Variants in ABTB3 observed in about 807,000 individuals in gnomAD.
ABTB3 encodes the protein ankyrin repeat- and BTB/POZ domain-containing protein 3.
chr12:107,403,152 A>G, the ABTB3 span, among the ~76,000 whole-genome samples: 1 of 152,156 alleles, frequency 6.6e-6, no homozygotes, highest in Non-Finnish European at 1.5e-5. Context: ...GAGATCACGT[A>G]TATCAGTGAA....
At chr12:107,561,937 G>A in the ABTB3 span, among the ~76,000 whole-genome samples, 280 of 152,234 alleles carry the variant, frequency 1.8e-3, no homozygotes, top group Non-Finnish European at 3.1e-3. Context: ...CCCTTCAACT[G>A]TGGCTGATTT....
the ABTB3 span, among the ~76,000 whole-genome samples, chr12:107,342,707 C>A: frequency 6.6e-6 from 1 of 152,134 alleles, no homozygotes; most frequent in Non-Finnish European, 1.5e-5. Flanking sequence ...TCTCCATGAA[C>A]CCTGTCATTC....
At chr12:107,422,270 G>A in the ABTB3 span, among the ~76,000 whole-genome samples, 90 of 152,276 alleles carry the variant, frequency 5.9e-4, no homozygotes, top group African/African-American at 2.1e-3. Flanking sequence ...CTGAGTGAGC[G>A]AGGACAAGAG....
At chr12:107,587,000 A>G in the ABTB3 span, among the ~76,000 whole-genome samples, 1 of 152,282 alleles carries the variant, frequency 6.6e-6, no homozygotes, top group Admixed American at 6.5e-5. Context: ...GCATTAGAGA[A>G]ATAAGTCCAC....
chr12:107,487,436 C>T, the ABTB3 span, among the ~76,000 whole-genome samples: 1 of 152,128 alleles, frequency 6.6e-6, no homozygotes, highest in African/African-American at 2.4e-5. Flanking sequence ...CTGCTGGGCT[C>T]TCACTAGGAA....
chr12:107,437,742 A>C, the ABTB3 span, among the ~76,000 whole-genome samples: 3,486 of 152,220 alleles, frequency 0.023, 139 homozygotes, highest in African/African-American at 0.078. Flanking sequence ...TACAAAGATA[A>C]TTGCCATTGG....
the ABTB3 span, among the ~76,000 whole-genome samples, chr12:107,571,753 C>T: frequency 6.6e-6 from 1 of 152,226 alleles, no homozygotes; most frequent in South Asian, 2.1e-4. Flanking sequence ...AGGTTCCTGC[C>T]ACAGAGGCCT....
chr12:107,395,260 G>C, the ABTB3 span, among the ~76,000 whole-genome samples: 25 of 152,056 alleles, frequency 1.6e-4, no homozygotes, highest in Admixed American at 2.6e-4. Context: ...ATTGTCAAAG[G>C]GTCTAGGCTA....
At chr12:107,541,928 A>G in the ABTB3 span, among the ~76,000 whole-genome samples, 1 of 151,876 alleles carries the variant, frequency 6.6e-6, no homozygotes, top group Non-Finnish European at 1.5e-5. Flanking sequence ...TTGGAAAGAA[A>G]AAAAAAAAAC....
At chr12:107,613,605 T>C in the ABTB3 span, among the ~76,000 whole-genome samples, 13 of 152,324 alleles carry the variant, frequency 8.5e-5, no homozygotes, top group South Asian at 1.5e-3. Context: ...CCATCTCATA[T>C]AGTTGTCAGA....
the ABTB3 span, among the ~76,000 whole-genome samples, chr12:107,400,742 C>A: frequency 1.3e-5 from 2 of 152,026 alleles, no homozygotes; most frequent in Non-Finnish European, 2.9e-5. Flanking sequence ...GACTTACACC[C>A]CCCCGCAAGA....
chr12:107,503,861 G>T, the ABTB3 span, among the ~76,000 whole-genome samples: 1 of 152,028 alleles, frequency 6.6e-6, no homozygotes, highest in Non-Finnish European at 1.5e-5. Context: ...GTCCAAAAAG[G>T]CTTCTTGGGG....
At chr12:107,534,622 C>T in the ABTB3 span, among the ~76,000 whole-genome samples, 61 of 152,120 alleles carry the variant, frequency 4.0e-4, no homozygotes, top group East Asian at 1.7e-3. Context: ...ACAACTGATA[C>T]GACAGAAATA....
At chr12:107,531,849 G>A in the ABTB3 span, among the ~76,000 whole-genome samples, 1 of 152,058 alleles carries the variant, frequency 6.6e-6, no homozygotes, top group Non-Finnish European at 1.5e-5. Flanking sequence ...ACACCCTTGG[G>A]ACTCAGCTAA....
the ABTB3 span, among the ~76,000 whole-genome samples, chr12:107,646,680 G>A: frequency 6.6e-6 from 1 of 152,208 alleles, no homozygotes; most frequent in African/African-American, 2.4e-5. Context: ...GACAGGCGAG[G>A]ATTCGTGTTT....
the ABTB3 span, among the ~76,000 whole-genome samples, chr12:107,515,262 GGTT>G: frequency 2.0e-3 from 307 of 152,282 alleles, 2 homozygotes; most frequent in African/African-American, 7.1e-3. Context: ...CAAAGATCTG[GGTT>G]GTTGACTTGC....
At chr12:107,583,939 C>A in the ABTB3 span, among the ~76,000 whole-genome samples, 1 of 152,118 alleles carries the variant, frequency 6.6e-6, no homozygotes, top group Non-Finnish European at 1.5e-5. Context: ...ATTGTTCGAG[C>A]TAAATTTTCA....
the ABTB3 span, among the ~76,000 whole-genome samples, chr12:107,401,789 G>GA: frequency 6.6e-6 from 1 of 151,682 alleles, no homozygotes; most frequent in Non-Finnish European, 1.5e-5. Flanking sequence ...TTATACATAA[G>GA]AAAATAACAT....
the ABTB3 span, among the ~76,000 whole-genome samples, chr12:107,457,062 G>A: frequency 2.6e-5 from 4 of 152,212 alleles, no homozygotes; most frequent in Admixed American, 1.3e-4. Context: ...GGGTTTCACT[G>A]TGTTGGTCAG....
Sources: allele counts gnomAD v4.1 joint callset (sites outside exome capture counted in the v4.1 genomes callset), GRCh38; gene constraint gnomAD v4.1.1; transcripts MANE v1.5; gene names NCBI Gene and HGNC (gene_info 2026-07-23, HGNC 2026-07-21).